Variants in SNX24 observed in about 807,000 individuals in gnomAD.
SNX24 encodes sorting nexin 24, also known as sorting nexin-24.
A neutral mutation model predicts 28.7 loss-of-function variants in SNX24; 22 were observed. The ratio of observed to expected loss-of-function variants is 0.77; its 90% CI spans 0.55 to 1.10. The LOEUF (loss-of-function observed/expected upper bound fraction) is 1.10, where lower values mean the gene tolerates loss of function less well. SNX24 is among the 50% of genes least tolerant of loss of function. The probability of loss-of-function intolerance (pLI) is 0.00; values close to 1 mark genes in which losing one functional copy is unlikely to be tolerated. For missense variants in SNX24, 221 were observed against 201.1 expected (o/e 1.10, Z -0.60); for synonymous variants, 69 against 71.5 (o/e 0.96, Z 0.18).
At chr5:122,958,345 C>A (rs1455204195) in intron 3 of SNX24, among the ~76,000 whole-genome samples, 1 of 152,088 alleles carries the variant, frequency 6.6e-6, no homozygotes, top group African/African-American at 2.4e-5. Flanking sequence ...CCTCCACCTC[C>A]CAGGTTCAAG....
intron 3 of SNX24, among the ~76,000 whole-genome samples, chr5:122,964,247 C>CAAAAAAAAAAAAAAAAAAAAAAAAAAAAA (rs34174497): frequency 2.7e-4 from 10 of 36,574 alleles, no homozygotes; most frequent in Non-Finnish European, 4.2e-4. Context: ...GACTCCATCT[C>CAAAAAAAAAAAAAAAAAAAAAAAAAAAAA]AAAAAAAAAA....
At chr5:122,900,504 C>T (rs575540781) in intron 1 of SNX24, among the ~76,000 whole-genome samples, 31 of 152,282 alleles carry the variant, frequency 2.0e-4, no homozygotes, top group Non-Finnish European at 3.1e-4. Context: ...GAATGGCTCA[C>T]ACCTGTCATC....
chr5:122,955,081 A>G (rs763231340), intron 3 of SNX24, among the ~76,000 whole-genome samples: 5 of 150,258 alleles, frequency 3.3e-5, no homozygotes, highest in Non-Finnish European at 7.4e-5. Flanking sequence ...TTTTTTCTCC[A>G]TGGTCAGGGT....
chr5:122,948,473 A>G (rs1406781588), intron 3 of SNX24: 1 of 152,228 alleles, frequency 6.6e-6, no homozygotes, highest in Non-Finnish European at 1.5e-5. Context: ...AAGCCATAGC[A>G]TCTTAAGTTC....
At chr5:123,022,769 GCCA>G (rs1321407986) in intron 5 of SNX24, 3 of 152,244 alleles carry the variant, frequency 2.0e-5, no homozygotes, top group Non-Finnish European at 4.4e-5. Context: ...ACAGACATGT[GCCA>G]CCACATCTGG....
chr5:123,028,651 A>G (rs1232190883), intron 5 of SNX24: 2 of 692,566 alleles, frequency 2.9e-6, no homozygotes, highest in Admixed American at 3.3e-5. Context: ...TCCTTCTCAA[A>G]GAGGTACAGT....
At chr5:122,916,192 A>T (rs955030852) in intron 1 of SNX24, among the ~76,000 whole-genome samples, 1 of 152,250 alleles carries the variant, frequency 6.6e-6, no homozygotes, top group African/African-American at 2.4e-5. Flanking sequence ...AAACACACAG[A>T]CTTTCCACTG....
chr5:122,901,620 T>G (rs1757452462), intron 1 of SNX24, among the ~76,000 whole-genome samples: 1 of 152,180 alleles, frequency 6.6e-6, no homozygotes, highest in African/African-American at 2.4e-5. Context: ...CATTGAAGGT[T>G]TACTTGGCCT....
At chr5:122,920,193 A>G (rs1216346373) in intron 1 of SNX24, among the ~76,000 whole-genome samples, 1 of 152,242 alleles carries the variant, frequency 6.6e-6, no homozygotes, top group African/African-American at 2.4e-5. Flanking sequence ...AGCAGAGGGC[A>G]TGTGGTGAAG....
At chr5:122,951,926 G>A (rs555427923) in intron 3 of SNX24, among the ~76,000 whole-genome samples, 1 of 152,318 alleles carries the variant, frequency 6.6e-6, no homozygotes, top group East Asian at 1.9e-4. Flanking sequence ...CAGGGCACAG[G>A]TTGAGTGTTC....
chr5:122,934,940 A>G (rs1316664586), intron 1 of SNX24, among the ~76,000 whole-genome samples: 2 of 151,914 alleles, frequency 1.3e-5, no homozygotes, highest in Non-Finnish European at 2.9e-5. Flanking sequence ...TCAGTAGAAG[A>G]GATGACATTC....
At chr5:123,013,363 GTC>G (rs1253459398), downstream of SNX24, among the ~76,000 whole-genome samples, 2 of 152,168 alleles carry the variant, frequency 1.3e-5, no homozygotes, top group Admixed American at 6.5e-5. Context: ...TCTTCTTCCA[GTC>G]TCTCTACTCC....
At chr5:122,866,340 G>A (rs918390418) in intron 1 of SNX24, among the ~76,000 whole-genome samples, 3 of 152,106 alleles carry the variant, frequency 2.0e-5, no homozygotes, top group East Asian at 1.9e-4. Context: ...GTAGAGTTGG[G>A]GTTTCACCAT....
At position 122,936,590 on chromosome 5, in the gene SNX24, G is replaced by T. The variant is rs71594318; in HGVS notation, c.61-144G>T. 12,783 of 469,348 alleles carry T rather than the reference G, an allele frequency of 0.027. 222 individuals carry two copies. The highest frequency in any genetic ancestry group is 0.036 in the Non-Finnish European group (9,276 of 257,616). 29.1% of individuals were successfully genotyped at this position (469,348 alleles called of 1,614,324 possible). Reference sequence around the variant, plus strand: ...AGTGCTCATTAATCAGTGCTGTTGGGCCAGGGTGTCCTGAGCCTTCTGGGT... The same window carrying T: ...AGTGCTCATTAATCAGTGCTGTTGGTCCAGGGTGTCCTGAGCCTTCTGGGT... On this transcript the variant is annotated intron_variant, in intron 1 of 6. Transcript: ENST00000261369.
intron 6 of SNX24, 43 bp from the exon 7 acceptor site, chr5:123,007,639 G>A (rs751723638): frequency 1.3e-5 from 19 of 1,505,606 alleles, no homozygotes; most frequent in Non-Finnish European, 1.5e-5. Flanking sequence ...CATAAGAAAA[G>A]CAGTTTTTCT....
intron 1 of SNX24, among the ~76,000 whole-genome samples, chr5:122,862,496 G>T (rs1488948972): frequency 1.3e-5 from 2 of 151,914 alleles, no homozygotes; most frequent in Admixed American, 6.6e-5. Flanking sequence ...CAGCTACTGG[G>T]GAGGCTGAGG....
chr5:122,871,257 G>C (rs1755963734), intron 1 of SNX24, among the ~76,000 whole-genome samples: 1 of 152,122 alleles, frequency 6.6e-6, no homozygotes, highest in Non-Finnish European at 1.5e-5. Flanking sequence ...CTCAGGCTCT[G>C]GTACTGTTTA....
intron 1 of SNX24, among the ~76,000 whole-genome samples, chr5:122,891,692 T>A (rs1381942046): frequency 3.3e-5 from 5 of 152,222 alleles, no homozygotes; most frequent in African/African-American, 4.8e-5. Context: ...TATTAAAAAT[T>A]ACATTGACTC....
chr5:122,949,450 A>T (rs866338593), intron 3 of SNX24, among the ~76,000 whole-genome samples: 4 of 152,160 alleles, frequency 2.6e-5, no homozygotes, highest in African/African-American at 9.6e-5. Context: ...AATATTTTAC[A>T]TTGTATTTGA....
Sources: allele counts gnomAD v4.1 joint callset (sites outside exome capture counted in the v4.1 genomes callset), GRCh38; gene constraint gnomAD v4.1.1; transcripts MANE v1.5; gene names NCBI Gene and HGNC (gene_info 2026-07-23, HGNC 2026-07-21).